Variants in PXDNL observed in about 807,000 individuals in gnomAD.
PXDNL encodes the protein peroxidasin like.
PXDNL carries 145 observed loss-of-function variants against 150.8 expected under a neutral mutation model. The observed-to-expected ratio is 0.96, with a 90% CI of 0.84 to 1.10. The LOEUF is 1.10. Among genes scored for constraint, PXDNL ranks in the 50% least tolerant of loss-of-function variants. The probability of loss-of-function intolerance (pLI) is 0.00; values close to 1 mark genes in which losing one functional copy is unlikely to be tolerated. For missense variants in PXDNL, 2,087 were observed against 1,873.9 expected (o/e 1.11, Z -2.10); for synonymous variants, 757 against 725.7 (o/e 1.04, Z -0.69).
chr8:51,382,425 A>G (rs894092413), intron 17 of PXDNL, among the ~76,000 whole-genome samples: 1 of 152,224 alleles, frequency 6.6e-6, no homozygotes, highest in African/African-American at 2.4e-5. Context: ...ACAACAGCCT[A>G]GAAAACTAAT....
At chr8:51,667,053 T>C (rs543900864) in intron 1 of PXDNL, among the ~76,000 whole-genome samples, 2 of 152,242 alleles carry the variant, frequency 1.3e-5, no homozygotes, top group East Asian at 3.9e-4. Flanking sequence ...GGACATGTCA[T>C]ACTCATCATC....
intron 3 of PXDNL, among the ~76,000 whole-genome samples, chr8:51,570,281 T>C (rs1379997085): frequency 6.6e-6 from 1 of 151,896 alleles, no homozygotes; most frequent in Non-Finnish European, 1.5e-5. Flanking sequence ...AAGCTAAGGA[T>C]GAATTAAAGC....
At chr8:51,540,246 T>C (rs2130477007) in intron 4 of PXDNL, among the ~76,000 whole-genome samples, 1 of 152,288 alleles carries the variant, frequency 6.6e-6, no homozygotes, top group Non-Finnish European at 1.5e-5. Context: ...TTATCTCTAT[T>C]GTTTCCTTTC....
At chr8:51,707,809 T>C (rs1454268418) in intron 1 of PXDNL, among the ~76,000 whole-genome samples, 3 of 152,204 alleles carry the variant, frequency 2.0e-5, no homozygotes, top group African/African-American at 4.8e-5. Context: ...TCACTTAACA[T>C]AATATCTTTC....
At chr8:51,351,990 T>C (rs1457109485) in intron 19 of PXDNL, among the ~76,000 whole-genome samples, 1 of 152,116 alleles carries the variant, frequency 6.6e-6, no homozygotes, top group East Asian at 1.9e-4. Context: ...ACCTTTGCTG[T>C]ATTCTGCTGA....
intron 17 of PXDNL, among the ~76,000 whole-genome samples, chr8:51,378,830 C>A (rs185924713): frequency 1.3e-5 from 2 of 152,166 alleles, no homozygotes; most frequent in African/African-American, 4.8e-5. Context: ...ATGAACCCAC[C>A]AGAAGGAAGA....
intron 21 of PXDNL, among the ~76,000 whole-genome samples, chr8:51,335,115 T>C (rs1805798036): frequency 4.6e-5 from 7 of 152,216 alleles, no homozygotes; most frequent in Admixed American, 4.6e-4. Context: ...TTCTAATGTA[T>C]GCATTTTTTT....
chr8:51,564,899 G>A (rs1426070316), intron 3 of PXDNL, among the ~76,000 whole-genome samples: 1 of 151,678 alleles, frequency 6.6e-6, no homozygotes, highest in African/African-American at 2.4e-5. Flanking sequence ...TGATTGTTTG[G>A]GATTTTATTG....
intron 1 of PXDNL, among the ~76,000 whole-genome samples, chr8:51,799,667 A>C (rs1482790219): frequency 2.0e-5 from 3 of 152,210 alleles, no homozygotes; most frequent in African/African-American, 7.2e-5. Flanking sequence ...GTTGGCCAAA[A>C]TATAGACCAT....
intron 2 of PXDNL, among the ~76,000 whole-genome samples, chr8:51,652,458 C>CAA (rs67370181): frequency 5.6e-4 from 83 of 149,456 alleles, no homozygotes; most frequent in East Asian, 1.2e-3. Flanking sequence ...CACACACACA[C>CAA]ACAAACACAC....
chr8:51,407,868 G>A (rs139678656), intron 17 of PXDNL, among the ~76,000 whole-genome samples, 199 bp downstream of exon 17: 77 of 152,266 alleles, frequency 5.1e-4, no homozygotes, highest in Non-Finnish European at 9.4e-4. Flanking sequence ...TTCCAAGGAG[G>A]TGGATAGAAA....
chr8:51,389,394 T>C (rs978272632), intron 17 of PXDNL, among the ~76,000 whole-genome samples: 1 of 152,224 alleles, frequency 6.6e-6, no homozygotes, highest in South Asian at 2.1e-4. Flanking sequence ...CGGTCCCTGA[T>C]GTTTACTTGA....
intron 4 of PXDNL, 113 bp downstream of exon 4, chr8:51,556,727 G>A (rs558955709): frequency 1.5e-6 from 1 of 674,028 alleles, no homozygotes; most frequent in Admixed American, 2.6e-5. Context: ...AATCATTCAA[G>A]CCACATGGAG....
chr8:51,551,213 C>A (rs1006451286), intron 4 of PXDNL, among the ~76,000 whole-genome samples: 6 of 152,044 alleles, frequency 3.9e-5, no homozygotes, highest in African/African-American at 1.4e-4. Context: ...TCTATGTTCA[C>A]AGATGGGTAG....
intron 17 of PXDNL, among the ~76,000 whole-genome samples, chr8:51,393,266 G>A (rs1344931516): frequency 1.3e-5 from 2 of 152,150 alleles, no homozygotes; most frequent in Non-Finnish European, 2.9e-5. Flanking sequence ...CATAGACTTA[G>A]CATCCAGGCA....
chr8:51,613,454 G>A (rs1403964092), intron 2 of PXDNL, among the ~76,000 whole-genome samples: 2 of 113,408 alleles, frequency 1.8e-5, no homozygotes, highest in Non-Finnish European at 3.5e-5. Context: ...AGGTAAAGAG[G>A]ATCCGGGGAA....
intron 17 of PXDNL, among the ~76,000 whole-genome samples, 170 bp downstream of exon 17, chr8:51,407,897 T>C (rs1198653871): frequency 6.6e-6 from 1 of 152,148 alleles, no homozygotes; most frequent in African/African-American, 2.4e-5. Context: ...GAAAGGGGGA[T>C]TTCGGTTTCT....
chr8:51,604,225 A>G (rs550502992), intron 2 of PXDNL, among the ~76,000 whole-genome samples: 1 of 152,334 alleles, frequency 6.6e-6, no homozygotes, highest in African/African-American at 2.4e-5. Context: ...CACTATTCAC[A>G]ATAGCAAAGA....
chr8:51,355,674 G>T (rs567830226), intron 19 of PXDNL, among the ~76,000 whole-genome samples: 4 of 152,276 alleles, frequency 2.6e-5, no homozygotes, highest in Non-Finnish European at 5.9e-5. Context: ...TATCAGTAGA[G>T]TTTTGACTGA....
Sources: allele counts gnomAD v4.1 joint callset (sites outside exome capture counted in the v4.1 genomes callset), GRCh38; gene constraint gnomAD v4.1.1; transcripts MANE v1.5; gene names NCBI Gene and HGNC (gene_info 2026-07-23, HGNC 2026-07-21).